SGCD: variants seen among roughly 807,000 people sequenced by gnomAD.
The protein encoded by SGCD is delta-sarcoglycan.
A neutral mutation model predicts 36.6 loss-of-function variants in SGCD; 18 were observed. The observed-to-expected ratio is 0.49, with a 90% CI of 0.34 to 0.73. SGCD has a LOEUF of 0.73. SGCD is among the 30% of genes least tolerant of loss of function. The pLI, the probability that SGCD is intolerant of heterozygous loss-of-function variation, is 0.01. For synonymous variants in SGCD, 133 were observed against 130.6 expected, an observed-to-expected ratio of 1.02 and a Z score of -0.12; for missense variants, 387 against 346.7, an observed-to-expected ratio of 1.12 and a Z score of -0.92.
chr5:155,799,810 CCCTTTTTTT>C, the SGCD span, among the ~76,000 whole-genome samples: 1 of 90,292 alleles, frequency 1.1e-5, no homozygotes, highest in African/African-American at 4.2e-5. Flanking sequence ...CTTCCTATTC[CCCTTTTTTT>C]TTTTTTTTTT....
In SGCD at chr5:156,291,772, C is replaced by T. The variant is rs534737264; in HGVS notation, c.-43-37762C>T. Among the ~76,000 whole-genome samples the T allele has an allele frequency of 5.3e-5, 8 of 152,044 alleles. No individual in the cohort carries two copies. In the East Asian group the frequency reaches 1.5e-3, roughly 29 times the overall value. ...TAAGATGACAAATAAAAATTGTATGCATTTATGGTAAACAACATGATGCTT... is the reference window on the plus strand; with the variant it reads ...TAAGATGACAAATAAAAATTGTATGTATTTATGGTAAACAACATGATGCTT... On this transcript the variant is annotated intron_variant, in intron 3 of 9. Coordinates refer to the SGCD transcript ENST00000517913.
chr5:155,899,431 T>A (rs1400150829), intron 1 of SGCD, among the ~76,000 whole-genome samples: 1 of 152,202 alleles, frequency 6.6e-6, no homozygotes, highest in Non-Finnish European at 1.5e-5. Context: ...GAGCATTGTT[T>A]CAAAAATCCT....
intron 2 of SGCD, among the ~76,000 whole-genome samples, chr5:156,330,375 G>T (rs1768012156): frequency 6.6e-6 from 1 of 152,160 alleles, no homozygotes; most frequent in African/African-American, 2.4e-5. Context: ...GGTAGAGGTG[G>T]TCAGAAATCT....
At chr5:156,712,927 A>G (rs1419901957) in intron 7 of SGCD, among the ~76,000 whole-genome samples, 1 of 152,158 alleles carries the variant, frequency 6.6e-6, no homozygotes, top group Non-Finnish European at 1.5e-5. Flanking sequence ...ACTTGAATGT[A>G]AGCTTCATGA....
chr5:156,759,110 G>GC (rs1437494578), intron 8 of SGCD, 107 bp from the exon 9 acceptor site: 3 of 825,984 alleles, frequency 3.6e-6, no homozygotes, highest in Non-Finnish European at 6.2e-6. Context: ...CATAGTAGGT[G>GC]CTCATTAGAT....
the SGCD span, among the ~76,000 whole-genome samples, chr5:155,772,090 G>A: frequency 6.6e-6 from 1 of 152,160 alleles, no homozygotes; most frequent in Non-Finnish European, 1.5e-5. Flanking sequence ...GCTATGGGAA[G>A]TAGGGCTGGC....
At chr5:156,384,927 G>A (rs17053516) in intron 3 of SGCD, among the ~76,000 whole-genome samples, 4,325 of 152,250 alleles carry the variant, frequency 0.028, 185 homozygotes, top group African/African-American at 0.083. Flanking sequence ...TGACCTAGGA[G>A]GAGGACTCAA....
At chr5:156,320,876 G>A (rs1353469764) in intron 3 of SGCD, among the ~76,000 whole-genome samples, 2 of 152,144 alleles carry the variant, frequency 1.3e-5, no homozygotes, top group Admixed American at 6.5e-5. Flanking sequence ...CTTGGCCATG[G>A]AAAAATAGCA....
At chr5:155,958,582 A>G (rs1469287102) in intron 1 of SGCD, among the ~76,000 whole-genome samples, 2 of 152,144 alleles carry the variant, frequency 1.3e-5, no homozygotes, top group African/African-American at 4.8e-5. Flanking sequence ...CATTGCACCT[A>G]ATATAGACAG....
intron 1 of SGCD, among the ~76,000 whole-genome samples, chr5:156,002,442 T>C (rs1399282551): frequency 1.3e-5 from 2 of 152,216 alleles, no homozygotes; most frequent in African/African-American, 4.8e-5. Flanking sequence ...CGCCAAGTAA[T>C]ATAGATGGGT....
chr5:156,289,259 C>CA (rs1432686685), intron 3 of SGCD, among the ~76,000 whole-genome samples: 3 of 151,530 alleles, frequency 2.0e-5, no homozygotes, highest in African/African-American at 4.9e-5. Context: ...GTTGGCTTCC[C>CA]AAAAAAAATT....
chr5:156,245,685 T>A (rs1390142942), intron 3 of SGCD, among the ~76,000 whole-genome samples: 1 of 151,964 alleles, frequency 6.6e-6, no homozygotes, highest in South Asian at 2.1e-4. Context: ...AGGGGATAAA[T>A]GAGCCCATTA....
chr5:156,258,373 A>C (rs1457135526), intron 3 of SGCD, among the ~76,000 whole-genome samples: 2 of 152,238 alleles, frequency 1.3e-5, no homozygotes, highest in Non-Finnish European at 2.9e-5. Flanking sequence ...ACAAAATCAT[A>C]TATGGGGTAA....
At chr5:156,214,790 T>A (rs1324226756) in intron 3 of SGCD, among the ~76,000 whole-genome samples, 2 of 151,848 alleles carry the variant, frequency 1.3e-5, no homozygotes, top group Non-Finnish European at 1.5e-5. Context: ...CAGAAATAAA[T>A]CCACGCATTT....
intron 7 of SGCD, among the ~76,000 whole-genome samples, chr5:156,656,527 C>G (rs1468397973): frequency 3.3e-5 from 5 of 152,118 alleles, no homozygotes; most frequent in African/African-American, 7.2e-5. Flanking sequence ...TGGGAGCAAA[C>G]AGCCCAACAT....
intron 3 of SGCD, among the ~76,000 whole-genome samples, chr5:156,374,291 A>G (rs961217640): frequency 3.3e-5 from 5 of 152,214 alleles, no homozygotes; most frequent in Admixed American, 1.3e-4. Context: ...AAGCTCACTC[A>G]TGCCTGGCTT....
chr5:155,858,367 A>G, the SGCD span, among the ~76,000 whole-genome samples: 1 of 152,188 alleles, frequency 6.6e-6, no homozygotes, highest in Non-Finnish European at 1.5e-5. Context: ...AGACCTATCA[A>G]ATTGTACTGA....
intron 3 of SGCD, among the ~76,000 whole-genome samples, chr5:156,213,736 C>T (rs184182760): frequency 6.6e-6 from 1 of 152,100 alleles, no homozygotes; most frequent in African/African-American, 2.4e-5. Context: ...TACTAGCAAA[C>T]TGAATTCAAC....
intron 1 of SGCD, among the ~76,000 whole-genome samples, chr5:156,028,944 T>C (rs256625): frequency 0.37 from 56,437 of 151,906 alleles, 10,941 homozygotes; most frequent in South Asian, 0.46. Flanking sequence ...GCTTGTTTAA[T>C]ACACTTTAAG....
Sources: gnomAD v4.1 joint callset for allele counts (sites outside exome capture counted in the v4.1 genomes callset) on GRCh38, gnomAD v4.1.1 for gene constraint, MANE v1.5 for transcripts, NCBI Gene and HGNC (gene_info 2026-07-23, HGNC 2026-07-21) for gene names.